The following CDKAL1 variants were observed in gnomAD, a reference collection of about 807,000 sequenced individuals.
CDKAL1 encodes the protein threonylcarbamoyladenosine tRNA methylthiotransferase.
CDKAL1 carries 32 observed loss-of-function variants against 68.2 expected under a neutral mutation model. The observed-to-expected ratio is 0.47, with a 90% CI of 0.35 to 0.63. The LOEUF is 0.63. Among genes scored for constraint, CDKAL1 ranks in the 30% least tolerant of loss-of-function variants. The probability of loss-of-function intolerance (pLI) is 0.00; values close to 1 mark genes in which losing one functional copy is unlikely to be tolerated. For missense variants in CDKAL1, 606 were observed against 696.7 expected, an observed-to-expected ratio of 0.87 and a Z score of 1.47; for synonymous variants, 234 against 244.3, an observed-to-expected ratio of 0.96 and a Z score of 0.39.
At chr6:20,750,939 G>A (rs1354589601) in intron 6 of CDKAL1, among the ~76,000 whole-genome samples, 1 of 104,238 alleles carries the variant, frequency 9.6e-6, no homozygotes, top group African/African-American at 3.9e-5. Flanking sequence ...ACTCCAGGCT[G>A]AGCAACAGAG....
intron 7 of CDKAL1, 116 bp from the exon 8 acceptor site, chr6:20,781,029 C>T (rs1005681498): frequency 2.0e-6 from 2 of 1,019,186 alleles, no homozygotes; most frequent in East Asian, 2.5e-5. Flanking sequence ...CTTCACTCTT[C>T]TATGTTGTTT....
At chr6:20,818,381 T>C (rs896102478) in intron 8 of CDKAL1, among the ~76,000 whole-genome samples, 10 of 152,260 alleles carry the variant, frequency 6.6e-5, no homozygotes, top group Non-Finnish European at 1.3e-4. Flanking sequence ...GTATTATAAA[T>C]AGCAATCCAG....
At chr6:20,993,101 A>AT (rs1178405867) in intron 10 of CDKAL1, among the ~76,000 whole-genome samples, 3 of 152,106 alleles carry the variant, frequency 2.0e-5, no homozygotes, top group African/African-American at 7.2e-5. Flanking sequence ...GGTTCATGAA[A>AT]TGAGGGAAAA....
chr6:20,557,983 G>A (rs577469000), intron 4 of CDKAL1, among the ~76,000 whole-genome samples: 2 of 152,266 alleles, frequency 1.3e-5, no homozygotes, highest in Non-Finnish European at 2.9e-5. Context: ...TAACTTGCCA[G>A]TAATTCACTC....
At chr6:20,622,936 CT>C (rs948359677) in intron 4 of CDKAL1, among the ~76,000 whole-genome samples, 9 of 151,938 alleles carry the variant, frequency 5.9e-5, no homozygotes, top group African/African-American at 2.2e-4. Flanking sequence ...TTTTTTCCCC[CT>C]AATTGTCTCA....
At chr6:20,907,553 G>A (rs1368310994) in intron 9 of CDKAL1, among the ~76,000 whole-genome samples, 1 of 152,168 alleles carries the variant, frequency 6.6e-6, no homozygotes, top group African/African-American at 2.4e-5. Flanking sequence ...AATACTCCTA[G>A]GTAGTCCTCC....
chr6:20,674,865 A>G (rs916408035), intron 5 of CDKAL1, among the ~76,000 whole-genome samples: 2 of 152,218 alleles, frequency 1.3e-5, no homozygotes, highest in Non-Finnish European at 2.9e-5. Context: ...AATGTTCTCC[A>G]GACTCATCCA....
chr6:20,904,886 G>A (rs1022244443), intron 9 of CDKAL1, among the ~76,000 whole-genome samples: 1 of 151,986 alleles, frequency 6.6e-6, no homozygotes, highest in Non-Finnish European at 1.5e-5. Context: ...TACACCTCAG[G>A]CAGATTATTG....
chr6:20,702,122 A>G (rs1771390217), intron 5 of CDKAL1, among the ~76,000 whole-genome samples: 1 of 152,140 alleles, frequency 6.6e-6, no homozygotes, highest in Non-Finnish European at 1.5e-5. Flanking sequence ...CTTAGCACTC[A>G]GTGAAATGGG....
At chr6:20,953,106 G>T (rs989320226) in intron 9 of CDKAL1, among the ~76,000 whole-genome samples, 2 of 152,188 alleles carry the variant, frequency 1.3e-5, no homozygotes. Flanking sequence ...ATTATATAGA[G>T]TATTTTAGCA....
intron 8 of CDKAL1, among the ~76,000 whole-genome samples, chr6:20,808,939 A>G (rs1776682618): frequency 1.3e-5 from 2 of 152,140 alleles, no homozygotes; most frequent in African/African-American, 4.8e-5. Flanking sequence ...TCTTGACTAC[A>G]TGGCATAATT....
At chr6:20,632,099 G>T (rs1051004647) in intron 4 of CDKAL1, among the ~76,000 whole-genome samples, 1 of 152,170 alleles carries the variant, frequency 6.6e-6, no homozygotes, top group Non-Finnish European at 1.5e-5. Flanking sequence ...GTTACATCCT[G>T]GCAAAGTGAA....
intron 12 of CDKAL1, among the ~76,000 whole-genome samples, chr6:21,096,124 G>T (rs1582189163): frequency 6.6e-6 from 1 of 152,064 alleles, no homozygotes. Flanking sequence ...ACGAGTTGTG[G>T]GCTTATCTAG....
rs145893325 is a variant in CDKAL1, at chr6:20,721,725, G to GTTTTTT, written c.372-17774_372-17769dup. 1.3e-3 allele frequency among the ~76,000 whole-genome samples: 86 copies of GTTTTTT among 67,382 alleles called. 9 individuals carry two copies. Among genetic ancestry groups the GTTTTTT allele is most frequent in the African/African-American group, 3.1e-3 (52 of 16,684 alleles). The allele number at this position is 67,382 out of a possible 152,430, so 44.2% of individuals were successfully genotyped here. A position where few individuals can be genotyped will look rare whatever the true frequency, so the allele number is the denominator to read the frequency against. ...CTTCTCTGCACCCTGACCAACTTCT[G>GTTTTTT]TTTTTTTTTTTTTTTTTTTTTTTTT... On this transcript the variant is annotated intron_variant, in intron 5 of 15. Transcript: ENST00000274695.
At chr6:20,835,661 C>A (rs961508499) in intron 8 of CDKAL1, among the ~76,000 whole-genome samples, 3 of 152,056 alleles carry the variant, frequency 2.0e-5, no homozygotes, top group African/African-American at 7.3e-5. Flanking sequence ...GATTCTCCTG[C>A]CTCATCTTCT....
chr6:20,795,977 G>A (rs922558842), intron 8 of CDKAL1, among the ~76,000 whole-genome samples: 1 of 152,118 alleles, frequency 6.6e-6, no homozygotes, highest in Non-Finnish European at 1.5e-5. Flanking sequence ...TTTAGGCATG[G>A]CATCTAAGGC....
intron 2 of CDKAL1, among the ~76,000 whole-genome samples, chr6:20,545,930 A>G (rs1232354357): frequency 6.6e-6 from 1 of 152,264 alleles, no homozygotes; most frequent in African/African-American, 2.4e-5. Context: ...TCCAGCTTAT[A>G]TTCTGATTTC....
chr6:20,735,924 G>A (rs997712741), intron 5 of CDKAL1, among the ~76,000 whole-genome samples: 11 of 152,020 alleles, frequency 7.2e-5, no homozygotes, highest in Admixed American at 7.2e-4. Flanking sequence ...ATATTCAATT[G>A]GATTCTCTCA....
intron 13 of CDKAL1, among the ~76,000 whole-genome samples, chr6:21,151,786 C>G (rs1476764529): frequency 6.6e-6 from 1 of 152,090 alleles, no homozygotes; most frequent in African/African-American, 2.4e-5. Context: ...TCTCTAAATC[C>G]TCTGCAGTGC....
Sources: gnomAD v4.1 joint callset for allele counts (sites outside exome capture counted in the v4.1 genomes callset) on GRCh38, gnomAD v4.1.1 for gene constraint, MANE v1.5 for transcripts, NCBI Gene and HGNC (gene_info 2026-07-23, HGNC 2026-07-21) for gene names.